Variants in MEP1A observed in about 807,000 individuals in gnomAD.
MEP1A encodes N-benzoyl-L-tyrosyl-P-amino-benzoic acid hydrolase subunit alpha.
In MEP1A, 68 loss-of-function variants were observed where a neutral mutation model predicts 84.5. The observed-to-expected ratio is 0.80, with a 90% confidence interval of 0.66 to 0.98. MEP1A has a LOEUF of 0.98. Ranked by LOEUF, MEP1A falls within the 50% of genes least tolerant of loss-of-function variation. The probability of loss-of-function intolerance (pLI) is 0.00; values close to 1 mark genes in which losing one functional copy is unlikely to be tolerated. For synonymous variants in MEP1A, 337 were observed against 336.8 expected, an observed-to-expected ratio of 1.00 and a Z score of -0.01; for missense variants, 887 against 919.9, an observed-to-expected ratio of 0.96 and a Z score of 0.46.
chr6:46,796,752 G>A (rs951247158), intron 3 of MEP1A, among the ~76,000 whole-genome samples: 1 of 152,204 alleles, frequency 6.6e-6, no homozygotes, highest in Non-Finnish European at 1.5e-5. Context: ...CATTCTGACT[G>A]ACCACTGGGG....
At chr6:46,835,219 A>T in intron 12 of MEP1A, 30 bp from the exon 13 acceptor site, 1 of 1,541,578 alleles carries the variant, frequency 6.5e-7, no homozygotes, top group Non-Finnish European at 8.7e-7. Context: ...CTAATCCTGG[A>T]TCTTCCTCAT....
intron 6 of MEP1A, among the ~76,000 whole-genome samples, chr6:46,817,039 C>G (rs1767656011): frequency 6.6e-6 from 1 of 152,156 alleles, no homozygotes; most frequent in South Asian, 2.1e-4. Flanking sequence ...GGCAAGAGAT[C>G]AATTAACAGA....
At chr6:46,843,522 A>G (rs1057160055), downstream of MEP1A, among the ~76,000 whole-genome samples, 26 of 152,242 alleles carry the variant, frequency 1.7e-4, no homozygotes, top group Admixed American at 5.2e-4. Context: ...AGCTTGCTAT[A>G]GAAATATTTA....
chr6:46,824,670 A>G (rs1767864854), intron 7 of MEP1A, among the ~76,000 whole-genome samples: 1 of 131,098 alleles, frequency 7.6e-6, no homozygotes, highest in Admixed American at 7.7e-5. Flanking sequence ...ATGTATTTAA[A>G]TAGATGTATT....
At chr6:46,824,616 A>G (rs1286648914) in intron 7 of MEP1A, among the ~76,000 whole-genome samples, 1 of 133,126 alleles carries the variant, frequency 7.5e-6, no homozygotes, top group South Asian at 2.2e-4. Flanking sequence ...GTATTTAAAT[A>G]TATATAAATT....
At chr6:46,804,516 T>A (rs1767268159) in intron 5 of MEP1A, among the ~76,000 whole-genome samples, 1 of 151,694 alleles carries the variant, frequency 6.6e-6, no homozygotes, top group Non-Finnish European at 1.5e-5. Context: ...TATCAATCCA[T>A]TGTATTTTTG....
chr6:46,825,485 A>T lies in MEP1A; in HGVS notation c.770A>T (p.Tyr257Phe), dbSNP rs146350772. Residue 257 changes from tyrosine to phenylalanine, a missense_variant, in exon 8 of 14, where the codon TAC becomes TTC. Coordinates refer to ENST00000230588, the MANE Select transcript of MEP1A (RefSeq NM_005588.3). ...AIDLERLNRMYNCTTTHTLLD... is the reference protein window; with the variant it reads ...AIDLERLNRMFNCTTTHTLLD... ...GATTTAGAGAGGCTGAACCGAATGT[A>T]CAATTGCAGTGAGTATCTCAGTTTC... 21 of 1,607,970 alleles carry T rather than the reference A, an allele frequency of 1.3e-5. No individual in the cohort carries two copies. The South Asian group carries it at 1.5e-4, about 12-fold the overall frequency.
rs1554189044 is a variant in MEP1A at position 46,807,822 on chromosome 6, A to AGAAAGAAAGAAAGAAAGAAAGAAG, written c.263-1581_263-1580insAAAGAAGGAAAGAAAGAAAGAAAG. ...AAGAAAGAAAGAAAGAAAGAAAGAA[A>AGAAAGAAAGAAAGAAAGAAAGAAG]GAAAGAAAGAAAGAAAGGAAGAAAG... On this transcript the variant is annotated intron_variant, in intron 5 of 13. Transcript: ENST00000230588. Among the ~76,000 whole-genome samples, 306 of 150,426 alleles carry AGAAAGAAAGAAAGAAAGAAAGAAG rather than the reference A, an allele frequency of 2.0e-3. 8 individuals are homozygous for AGAAAGAAAGAAAGAAAGAAAGAAG. The highest frequency in any genetic ancestry group is 6.9e-3 in the African/African-American group (283 of 40,800).
rs200450531 is a variant in MEP1A at position 46,834,455 on chromosome 6, T to G, written c.1610-123T>G. 7 of 85,816 alleles carry G rather than the reference T, an allele frequency of 8.2e-5. No homozygotes were observed. In the Admixed American group the frequency reaches 9.5e-4, roughly 12 times the overall value. The allele number at this position is 85,816 out of a possible 1,614,324, so 5.3% of individuals were successfully genotyped here. On this transcript the variant is annotated intron_variant, in intron 11 of 13. Coordinates refer to ENST00000230588, the MANE Select transcript of MEP1A (RefSeq NM_005588.3). ...TTTTTATATTTATTTATTTATTTATTTATTTATTTATTTATTTATTTATTT... is the reference window on the plus strand; with the variant it reads ...TTTTTATATTTATTTATTTATTTATGTATTTATTTATTTATTTATTTATTT...
intron 9 of MEP1A, 29 bp from the exon 10 acceptor site, chr6:46,829,327 C>G (rs1371542344): frequency 6.3e-7 from 1 of 1,593,424 alleles, no homozygotes; most frequent in Non-Finnish European, 8.6e-7. Flanking sequence ...GGAAGCCAGA[C>G]GTGTGATGTT....
At chr6:46,844,974 A>G in the MEP1A span, among the ~76,000 whole-genome samples, 1 of 151,694 alleles carries the variant, frequency 6.6e-6, no homozygotes, top group African/African-American at 2.4e-5. Flanking sequence ...AGTGTGGCAA[A>G]CCTCCTTGCT....
intron 13 of MEP1A, among the ~76,000 whole-genome samples, chr6:46,836,937 G>A (rs1768229800): frequency 6.6e-6 from 1 of 152,084 alleles, no homozygotes; most frequent in South Asian, 2.1e-4. Context: ...CATTACTGGT[G>A]ATGTCAACCT....
chr6:46,835,663 A>G, intron 13 of MEP1A, 114 bp downstream of exon 13: 2 of 1,128,590 alleles, frequency 1.8e-6, no homozygotes, highest in South Asian at 2.8e-5. Flanking sequence ...TCAGATGGTC[A>G]ACTGAATGCG....
At chr6:46,821,912 C>G (rs1767786285) in intron 7 of MEP1A, among the ~76,000 whole-genome samples, 1 of 152,182 alleles carries the variant, frequency 6.6e-6, no homozygotes, top group Non-Finnish European at 1.5e-5. Flanking sequence ...AGATTATCAA[C>G]ATAGGCAGTA....
intron 7 of MEP1A, among the ~76,000 whole-genome samples, chr6:46,824,976 TAAA>T (rs1767891419): frequency 7.6e-6 from 1 of 131,084 alleles, no homozygotes; most frequent in Non-Finnish European, 1.6e-5. Context: ...TAAATATATA[TAAA>T]TTATATATTT....
At chr6:46,822,813 GGGATTACAGGTGTGAACCACCGTGCCC>G (rs1483255887) in intron 7 of MEP1A, among the ~76,000 whole-genome samples, 1 of 152,134 alleles carries the variant, frequency 6.6e-6, no homozygotes, top group Non-Finnish European at 1.5e-5. Context: ...CCAAAGTGCT[GGGATTACAGGTGTGAACCACCGTGCCC>G]AGCCTCTAAT....
intron 7 of MEP1A, among the ~76,000 whole-genome samples, chr6:46,822,605 G>A (rs575821813): frequency 1.3e-5 from 2 of 152,186 alleles, no homozygotes; most frequent in South Asian, 2.1e-4. Flanking sequence ...GTGCAACGGT[G>A]CAATCTCAGC....
intron 5 of MEP1A, among the ~76,000 whole-genome samples, chr6:46,807,589 G>A (rs866539328): frequency 2.0e-3 from 129 of 65,090 alleles, no homozygotes; most frequent in African/African-American, 4.7e-3. Flanking sequence ...AGGAAGGAAG[G>A]AAGGAAGGAA....
At chr6:46,793,833 T>C (rs1168130679) in intron 3 of MEP1A, 117 bp downstream of exon 3, 6 of 753,570 alleles carry the variant, frequency 8.0e-6, no homozygotes, top group Non-Finnish European at 1.0e-5. Flanking sequence ...GAAATATTTT[T>C]TGGTGCTTTG....
Sources: gnomAD v4.1 joint callset for allele counts (sites outside exome capture counted in the v4.1 genomes callset) on GRCh38, gnomAD v4.1.1 for gene constraint, MANE v1.5 for transcripts, NCBI Gene and HGNC (gene_info 2026-07-23, HGNC 2026-07-21) for gene names.